CDH20: variants seen among roughly 807,000 people sequenced by gnomAD.
The protein encoded by CDH20 is cadherin-20.
CDH20 carries 29 observed loss-of-function variants against 74.2 expected under a neutral mutation model. The ratio of observed to expected loss-of-function variants is 0.39; its 90% CI spans 0.29 to 0.53. CDH20 has a LOEUF of 0.53. Among genes scored for constraint, CDH20 ranks in the 20% least tolerant of loss-of-function variants. The pLI, the probability that CDH20 is intolerant of heterozygous loss-of-function variation, is 0.69. For missense variants in CDH20, 988 were observed against 1,048.3 expected, an observed-to-expected ratio of 0.94 and a Z score of 0.79; for synonymous variants, 469 against 405.4, an observed-to-expected ratio of 1.16 and a Z score of -1.88.
chr18:61,492,096 C>A (rs1018081729), intron 2 of CDH20, among the ~76,000 whole-genome samples: 3 of 152,098 alleles, frequency 2.0e-5, no homozygotes, highest in African/African-American at 7.2e-5. Context: ...GCACATGTGA[C>A]ATCTCCACAT....
chr18:61,457,450 C>A (rs1352176445), intron 1 of CDH20, among the ~76,000 whole-genome samples: 18 of 152,058 alleles, frequency 1.2e-4, no homozygotes, highest in Admixed American at 1.2e-3. Context: ...GAAACTGAGG[C>A]ATAGAAAAGT....
intron 7 of CDH20, among the ~76,000 whole-genome samples, chr18:61,529,396 G>A (rs540631851): frequency 1.4e-4 from 22 of 152,300 alleles, no homozygotes; most frequent in Admixed American, 1.2e-3. Context: ...AACCATACTA[G>A]GGGCAAATTC....
chr18:61,493,853 C>A (rs1911043492), intron 2 of CDH20, among the ~76,000 whole-genome samples: 1 of 152,150 alleles, frequency 6.6e-6, no homozygotes, highest in African/African-American at 2.4e-5. Flanking sequence ...CTTATGTGCA[C>A]ATAAAATTTA....
intron 11 of CDH20, 117 bp from the exon 12 acceptor site, chr18:61,554,073 C>T (rs1215300391): frequency 4.0e-6 from 5 of 1,250,158 alleles, no homozygotes; most frequent in Non-Finnish European, 4.4e-6. Flanking sequence ...AAAGCTATCT[C>T]TGAGCCCTCC....
chr18:61,422,004 C>T (rs1912898063), intron 1 of CDH20, among the ~76,000 whole-genome samples: 1 of 152,134 alleles, frequency 6.6e-6, no homozygotes, highest in Admixed American at 6.5e-5. Flanking sequence ...AAAATCTATA[C>T]ATTACCATGC....
intron 6 of CDH20, among the ~76,000 whole-genome samples, chr18:61,512,076 G>T (rs904719846): frequency 6.6e-6 from 1 of 152,076 alleles, no homozygotes; most frequent in Admixed American, 6.5e-5. Context: ...TTCTGCTTTT[G>T]ATTTATTTCC....
intron 1 of CDH20, among the ~76,000 whole-genome samples, chr18:61,479,176 T>A (rs1404425469): frequency 1.3e-5 from 2 of 152,064 alleles, no homozygotes; most frequent in African/African-American, 2.4e-5. Flanking sequence ...AATTTTTGAG[T>A]CAGTTTTTAT....
chr18:61,544,862 C>A (rs1027886745), intron 9 of CDH20, among the ~76,000 whole-genome samples, 165 bp from the exon 10 acceptor site: 2 of 152,150 alleles, frequency 1.3e-5, no homozygotes, highest in Admixed American at 1.3e-4. Flanking sequence ...CACCAGGAAC[C>A]CTGCCCTTCT....
chr18:61,554,548 C>T lies in CDH20; in HGVS notation c.2259C>T (p.Asp753=), dbSNP rs760286210. ...DSLQTYMFEG[D]GSVAGSLSSL... ...TCCAGACGTATATGTTCGAGGGGGA[C>T]GGCTCTGTGGCGGGGTCGCTGAGCT... is the stretch of plus-strand genomic sequence containing the variant. The change falls in exon 12 of 12, where the codon GAC becomes GAT. Residue 753 remains aspartate, a synonymous_variant. Transcript: ENST00000262717. 1.1e-5 allele frequency: 18 copies of T among 1,612,862 alleles called. No individual in the cohort carries two copies. Among genetic ancestry groups the T allele is most frequent in the South Asian group, 3.3e-5 (3 of 90,962 alleles).
At chr18:61,550,774 T>C (rs1023701611) in intron 11 of CDH20, among the ~76,000 whole-genome samples, 1 of 152,046 alleles carries the variant, frequency 6.6e-6, no homozygotes, top group Non-Finnish European at 1.5e-5. Flanking sequence ...CTGGAGGTGG[T>C]ATTACAGGAA....
chr18:61,538,587 TG>T (rs869193103), intron 8 of CDH20, among the ~76,000 whole-genome samples: 5,483 of 49,482 alleles, frequency 0.11, 1,190 homozygotes, highest in African/African-American at 0.24. Flanking sequence ...ACTTTTTGTT[TG>T]TTTGTTTGTT....
At chr18:61,501,108 C>T (rs901743570) in intron 4 of CDH20, among the ~76,000 whole-genome samples, 7 of 152,116 alleles carry the variant, frequency 4.6e-5, no homozygotes, top group Admixed American at 1.3e-4. Context: ...GGAGGAAAGA[C>T]CAGGTGGGAT....
At chr18:61,414,718 GT>G (rs1912628528) in intron 1 of CDH20, among the ~76,000 whole-genome samples, 1 of 151,894 alleles carries the variant, frequency 6.6e-6, no homozygotes, top group Admixed American at 6.6e-5. Context: ...ACCAATTTAA[GT>G]TTTAATTTGA....
chr18:61,397,380 A>G (rs954145416), intron 1 of CDH20, among the ~76,000 whole-genome samples: 3 of 152,074 alleles, frequency 2.0e-5, no homozygotes, highest in Admixed American at 2.0e-4. Flanking sequence ...TCCTGAAGCA[A>G]CAAAGCACAT....
intron 1 of CDH20, among the ~76,000 whole-genome samples, chr18:61,394,373 T>C (rs1781994087): frequency 6.6e-6 from 1 of 152,152 alleles, no homozygotes; most frequent in Admixed American, 6.5e-5. Flanking sequence ...ATGAGGTCAT[T>C]AGGGTGGGCC....
intron 1 of CDH20, among the ~76,000 whole-genome samples, chr18:61,485,633 T>C (rs938640815): frequency 1.3e-4 from 20 of 152,290 alleles, no homozygotes; most frequent in South Asian, 2.1e-4. Context: ...AAAAATGCAC[T>C]TAGAAGAGAG....
chr18:61,467,326 A>G (rs1056334683), intron 1 of CDH20, among the ~76,000 whole-genome samples: 1 of 152,016 alleles, frequency 6.6e-6, no homozygotes, highest in African/African-American at 2.4e-5. Context: ...GAATCTGACA[A>G]TTTCCACATC....
chr18:61,421,319 C>A (rs909224517), intron 1 of CDH20, among the ~76,000 whole-genome samples: 3 of 152,068 alleles, frequency 2.0e-5, no homozygotes, highest in African/African-American at 7.2e-5. Flanking sequence ...AATCCATGGG[C>A]CATGAAGATA....
At position 61,554,747 on chromosome 18, in the gene CDH20, C is replaced by G. The variant is rs765860301; in HGVS notation, c.*52C>G. 1 of 1,484,234 alleles carries G rather than the reference C, an allele frequency of 6.7e-7. No homozygotes were observed. Among genetic ancestry groups the G allele is most frequent in the Non-Finnish European group, 9.0e-7 (1 of 1,117,084 alleles). 91.9% of individuals were successfully genotyped at this position (1,484,234 alleles called of 1,614,324 possible). On this transcript the variant is annotated 3_prime_UTR_variant, in exon 12 of 12. Transcript: ENST00000262717. ...CAAATCCAGACGTTCTCCGCGGGTG[C>G]TTCGCGGACAAGGTGCAGCCAACCA...
Sources: allele counts gnomAD v4.1 joint callset (sites outside exome capture counted in the v4.1 genomes callset), GRCh38; gene constraint gnomAD v4.1.1; transcripts MANE v1.5; gene names NCBI Gene and HGNC (gene_info 2026-07-23, HGNC 2026-07-21).